The following MTAP variants were observed in gnomAD, a reference collection of about 807,000 sequenced individuals.
The protein encoded by MTAP is S-methyl-5'-thioadenosine phosphorylase.
Under a neutral mutation model 33.6 loss-of-function variants are expected in MTAP, and 33 were observed. That is an observed-to-expected ratio of 0.98 (90% confidence interval 0.74 to 1.31). MTAP has a LOEUF of 1.31. MTAP is among the 40% of genes most tolerant of loss of function. The probability of loss-of-function intolerance (pLI) is 0.00; values close to 1 mark genes in which losing one functional copy is unlikely to be tolerated. For synonymous variants in MTAP, 148 were observed against 125.7 expected, an observed-to-expected ratio of 1.18 and a Z score of -1.19; for missense variants, 367 against 360.0, an observed-to-expected ratio of 1.02 and a Z score of -0.16.
chr9:21,881,146 C>T (rs573093724), intron 1 of MTAP, among the ~76,000 whole-genome samples: 15 of 152,024 alleles, frequency 9.9e-5, no homozygotes, highest in African/African-American at 3.4e-4. Flanking sequence ...GTGCCAAAAT[C>T]ACTCAACAGG....
At chr9:21,920,406 A>G (rs1368651688) in intron 1 of MTAP, among the ~76,000 whole-genome samples, 1 of 152,138 alleles carries the variant, frequency 6.6e-6, no homozygotes, top group Admixed American at 6.5e-5. Context: ...TTTTCCCTCA[A>G]CCATAAACAA....
At chr9:21,888,234 G>GT (rs1818145441) in intron 1 of MTAP, among the ~76,000 whole-genome samples, 1 of 152,092 alleles carries the variant, frequency 6.6e-6, no homozygotes, top group African/African-American at 2.4e-5. Flanking sequence ...TTGTTTTGGG[G>GT]TGTGTCATAT....
intron 5 of MTAP, among the ~76,000 whole-genome samples, chr9:21,853,746 A>T (rs1825570588): frequency 6.6e-6 from 1 of 152,226 alleles, no homozygotes; most frequent in Non-Finnish European, 1.5e-5. Flanking sequence ...ACCTTAGTTC[A>T]TTTAATCTTC....
chr9:21,843,309 A>C (rs1587238104), intron 5 of MTAP, among the ~76,000 whole-genome samples: 1 of 152,342 alleles, frequency 6.6e-6, no homozygotes, highest in African/African-American at 2.4e-5. Flanking sequence ...GTAACACAAT[A>C]ATAGTGGGGC....
At chr9:21,814,528 A>G (rs1824429802) in intron 1 of MTAP, among the ~76,000 whole-genome samples, 1 of 152,070 alleles carries the variant, frequency 6.6e-6, no homozygotes, top group African/African-American at 2.4e-5. Flanking sequence ...ATGATTTGTT[A>G]CTTATTTTTA....
At chr9:21,884,431 G>A (rs913992298) in intron 1 of MTAP, among the ~76,000 whole-genome samples, 2 of 152,170 alleles carry the variant, frequency 1.3e-5, no homozygotes, top group Admixed American at 6.5e-5. Flanking sequence ...CAAACATAAT[G>A]TTAAGTGGAA....
intron 1 of MTAP, among the ~76,000 whole-genome samples, chr9:21,912,775 C>A (rs1818601814): frequency 6.6e-6 from 1 of 152,206 alleles, no homozygotes; most frequent in African/African-American, 2.4e-5. Context: ...GTTGGAAGTT[C>A]TGGCCAGGGC....
At chr9:21,819,003 C>G (rs897505506) in intron 4 of MTAP, among the ~76,000 whole-genome samples, 3 of 152,126 alleles carry the variant, frequency 2.0e-5, no homozygotes, top group African/African-American at 7.2e-5. Context: ...TGAGATCATG[C>G]AGTATTTGTC....
chr9:21,845,052 T>G (rs1033436829), intron 5 of MTAP, among the ~76,000 whole-genome samples: 1 of 149,354 alleles, frequency 6.7e-6, no homozygotes, highest in African/African-American at 2.5e-5. Flanking sequence ...AAAAGCCATC[T>G]ATGACAAACC....
intron 1 of MTAP, among the ~76,000 whole-genome samples, chr9:21,805,615 G>A (rs755816343): frequency 1.1e-4 from 17 of 152,174 alleles, no homozygotes; most frequent in African/African-American, 2.9e-4. Flanking sequence ...GCCTTTGGGC[G>A]TGATTGGGGT....
chr9:21,827,893 CCATATT>C (rs1411860048), intron 4 of MTAP, among the ~76,000 whole-genome samples: 1 of 152,162 alleles, frequency 6.6e-6, no homozygotes, highest in Non-Finnish European at 1.5e-5. Flanking sequence ...ATACAAAACT[CCATATT>C]CAGGATGATC....
chr9:21,940,587 C>A (rs1471647188), downstream of MTAP, among the ~76,000 whole-genome samples: 1 of 152,088 alleles, frequency 6.6e-6, no homozygotes, highest in Non-Finnish European at 1.5e-5. Flanking sequence ...TTTGAGGGTT[C>A]CCTTGACCTC....
At chr9:21,906,487 G>A (rs546567118) in intron 1 of MTAP, among the ~76,000 whole-genome samples, 2 of 152,200 alleles carry the variant, frequency 1.3e-5, no homozygotes, top group East Asian at 3.9e-4. Context: ...GGGGAGAGAG[G>A]AGGAGAGCAG....
At chr9:21,803,066 C>A in intron 1 of MTAP, 1 of 853,100 alleles carries the variant, frequency 1.2e-6, no homozygotes, top group Non-Finnish European at 1.6e-6. Flanking sequence ...CACCCGCACC[C>A]TGTAGGGCGT....
intron 1 of MTAP, chr9:21,802,985 AACACACACACACACAC>A (rs753392319): frequency 0.086 from 38,079 of 444,924 alleles, 668 homozygotes; most frequent in Middle Eastern, 0.12. Context: ...CCGCACCGCC[AACACACACACACACAC>A]ACACACACAC....
At chr9:21,902,102 A>G (rs1171043577) in intron 1 of MTAP, among the ~76,000 whole-genome samples, 2 of 152,230 alleles carry the variant, frequency 1.3e-5, no homozygotes, top group African/African-American at 4.8e-5. Context: ...GTAATTCGCT[A>G]AACGATATTG....
intron 5 of MTAP, among the ~76,000 whole-genome samples, chr9:21,838,789 T>C (rs1472362197): frequency 6.6e-6 from 1 of 152,242 alleles, no homozygotes; most frequent in Non-Finnish European, 1.5e-5. Context: ...ACTTCTCTTA[T>C]AATCCCAGGT....
chr9:21,822,087 G>T (rs1824657211), intron 4 of MTAP, among the ~76,000 whole-genome samples: 1 of 152,070 alleles, frequency 6.6e-6, no homozygotes, highest in Non-Finnish European at 1.5e-5. Context: ...CCAACTCCTG[G>T]ATTCATTGAT....
chr9:21,827,209 G>T (rs949760410), intron 4 of MTAP, among the ~76,000 whole-genome samples: 1 of 152,128 alleles, frequency 6.6e-6, no homozygotes, highest in Non-Finnish European at 1.5e-5. Flanking sequence ...GGAGAGTAGC[G>T]CAGAGTTAAA....
Sources: allele counts gnomAD v4.1 joint callset (sites outside exome capture counted in the v4.1 genomes callset), GRCh38; gene constraint gnomAD v4.1.1; transcripts MANE v1.5; gene names NCBI Gene and HGNC (gene_info 2026-07-23, HGNC 2026-07-21).